The following FLT3 variants were observed in gnomAD, a reference collection of about 807,000 sequenced individuals.
FLT3 encodes the protein fms related receptor tyrosine kinase 3.
Under a neutral mutation model 126.6 loss-of-function variants are expected in FLT3, and 46 were observed. The ratio of observed to expected loss-of-function variants is 0.36; its 90% CI spans 0.29 to 0.46. The LOEUF (loss-of-function observed/expected upper bound fraction) is 0.46, where lower values mean the gene tolerates loss of function less well. Among genes scored for constraint, FLT3 ranks in the 20% least tolerant of loss-of-function variants. The pLI, the probability that FLT3 is intolerant of heterozygous loss-of-function variation, is 1.00. For synonymous variants in FLT3, 404 were observed against 434.4 expected, an observed-to-expected ratio of 0.93 and a Z score of 0.87; for missense variants, 1,069 against 1,190.3, an observed-to-expected ratio of 0.90 and a Z score of 1.50.
intron 9 of FLT3, among the ~76,000 whole-genome samples, chr13:28,037,611 A>G (rs1178143105): frequency 6.6e-6 from 1 of 152,156 alleles, no homozygotes. Flanking sequence ...GGATTGGCCG[A>G]AGATTCTCAG....
At chr13:28,037,764 C>G (rs185524510) in intron 9 of FLT3, among the ~76,000 whole-genome samples, 24 of 152,262 alleles carry the variant, frequency 1.6e-4, no homozygotes, top group Middle Eastern at 3.4e-3. Context: ...AGGAAAGGGG[C>G]CACACAGCAG....
rs74674063 is a variant in FLT3 at position 28,087,234 on chromosome 13, C to T, written c.43+13234G>A. ...ACAAGGACACACCATCATGCCTGGC[C>T]AATTCTTTTATTTTTCGTAGAGACA... is the stretch of plus-strand genomic sequence containing the variant. On this transcript the variant is annotated intron_variant, in intron 1 of 23. Transcript: ENST00000241453. Among the ~76,000 whole-genome samples, 941 of 151,530 alleles carry T rather than the reference C, an allele frequency of 6.2e-3. 11 individuals are homozygous for T. The highest frequency in any genetic ancestry group is 0.021 in the Middle Eastern group (6 of 290).
chr13:28,086,427 A>G (rs1000775813), intron 1 of FLT3, among the ~76,000 whole-genome samples: 3 of 152,156 alleles, frequency 2.0e-5, no homozygotes, highest in Admixed American at 2.0e-4. Flanking sequence ...CTGTACTTCT[A>G]CGTAAGCTAT....
intron 2 of FLT3, among the ~76,000 whole-genome samples, chr13:28,063,461 C>T (rs374782802): frequency 4.0e-4 from 61 of 152,256 alleles, no homozygotes; most frequent in African/African-American, 1.3e-3. Flanking sequence ...GCCTGGGGGA[C>T]GGAGTCAGAC....
In FLT3 at chr13:28,085,810, T is replaced by C. The variant is rs545221961; in HGVS notation, c.43+14658A>G. Among the ~76,000 whole-genome samples the C allele has an allele frequency of 1.2e-3, 182 of 152,256 alleles. 1 individual carries two copies. The highest frequency in any genetic ancestry group is 2.4e-3 in the Non-Finnish European group (163 of 68,020). On this transcript the variant is annotated intron_variant, in intron 1 of 23. Transcript: ENST00000241453. ...CATCCATTTACTTTTAACCTATTTG[T>C]GTCTTCATATGCAGGACTAGGGCTG...
At chr13:28,049,271 T>C (rs139442627) in intron 8 of FLT3, 113 bp downstream of exon 8, 1 of 976,408 alleles carries the variant, frequency 1.0e-6, no homozygotes, top group African/African-American at 1.6e-5. Context: ...AGTTTCTTTC[T>C]TAGTGTTTGA....
chr13:28,092,475 TC>T (rs762414489), intron 1 of FLT3, among the ~76,000 whole-genome samples: 82 of 151,982 alleles, frequency 5.4e-4, no homozygotes, highest in Non-Finnish European at 9.6e-4. Flanking sequence ...CAAGTGATCC[TC>T]CTGCCTCAGC....
chr13:28,090,619 A>G, intron 1 of FLT3, among the ~76,000 whole-genome samples: 1 of 152,024 alleles, frequency 6.6e-6, no homozygotes, highest in South Asian at 2.1e-4. Context: ...CTCTACCAAA[A>G]ATACAAAAAC....
chr13:28,011,364 G>A (rs1313063171), intron 23 of FLT3, among the ~76,000 whole-genome samples: 1 of 151,238 alleles, frequency 6.6e-6, no homozygotes, highest in Non-Finnish European at 1.5e-5. Flanking sequence ...GAGGGGAGGA[G>A]AGAAGATTCT....
intron 2 of FLT3, among the ~76,000 whole-genome samples, chr13:28,063,495 T>G (rs2137771912): frequency 6.6e-6 from 1 of 152,176 alleles, no homozygotes; most frequent in South Asian, 2.1e-4. Flanking sequence ...ATTAATTAAT[T>G]AATTAATTAA....
chr13:28,063,716 T>C (rs1408588200), intron 2 of FLT3, among the ~76,000 whole-genome samples: 2 of 142,272 alleles, frequency 1.4e-5, no homozygotes, highest in African/African-American at 5.1e-5. Flanking sequence ...TGCAAGACCA[T>C]CTGCTGAGTA....
At position 28,027,078 on chromosome 13, in the gene FLT3, A is replaced by G; in HGVS notation, c.2207+10T>C. ...ATGTGTAATTACGAAACCCTGACCC[A>G]GCCTCTTACCTGGAATTTGGATGTG... On this transcript the variant is annotated intron_variant, in intron 17 of 23. Transcript: ENST00000241453. 1.2e-6 allele frequency: 2 copies of G among 1,612,310 alleles called. No homozygotes were observed. Among genetic ancestry groups the G allele is most frequent in the South Asian group, 2.2e-5 (2 of 90,788 alleles).
intron 20 of FLT3, among the ~76,000 whole-genome samples, 191 bp from the exon 21 acceptor site, chr13:28,015,892 A>T (rs1871810491): frequency 6.6e-6 from 1 of 152,176 alleles, no homozygotes; most frequent in South Asian, 2.1e-4. Context: ...CCTAAAACAT[A>T]AGGCATATTT....
At chr13:28,088,380 C>A (rs536643021) in intron 1 of FLT3, among the ~76,000 whole-genome samples, 1 of 151,836 alleles carries the variant, frequency 6.6e-6, no homozygotes, top group Non-Finnish European at 1.5e-5. Flanking sequence ...CTCCACCTCC[C>A]AGGTTCAGGT....
chr13:28,069,893 C>T (rs1337644831), intron 2 of FLT3, among the ~76,000 whole-genome samples: 1 of 152,078 alleles, frequency 6.6e-6, no homozygotes, highest in Non-Finnish European at 1.5e-5. Context: ...GTGGTAGGAT[C>T]AGTTGAGCCC....
Position 28,027,103 on chromosome 13 carries a change from G to A in FLT3, c.2192C>T (p.Ser731Leu). Residue 731 changes from serine (S) to leucine (L), a missense_variant, in exon 17 of 24, where the codon TCA becomes TTA. By Grantham distance (145) the Ser-to-Leu change is moderately radical. Coordinates refer to ENST00000241453, the MANE Select transcript of FLT3 (RefSeq NM_004119.3). ...HNFSFYPTFQ[S>L]HPNSSMPGSR... Reference sequence around the variant, plus strand: ...AGCCTCTTACCTGGAATTTGGATGTGATTGGAAAGTGGGGTAAAAACTGAA... The same window carrying A: ...AGCCTCTTACCTGGAATTTGGATGTAATTGGAAAGTGGGGTAAAAACTGAA... 6.2e-7 allele frequency: 1 copy of A among 1,613,566 alleles called. No homozygotes were observed. The highest frequency in any genetic ancestry group is 8.5e-7 in the Non-Finnish European group (1 of 1,179,798).
intron 1 of FLT3, among the ~76,000 whole-genome samples, chr13:28,072,922 G>A (rs1043043562): frequency 1.3e-5 from 2 of 151,800 alleles, no homozygotes; most frequent in East Asian, 2.0e-4. Context: ...GGAGAATAGC[G>A]TAAACCCGGG....
At chr13:28,010,305 A>G (rs1428163069) in intron 23 of FLT3, among the ~76,000 whole-genome samples, 1 of 152,162 alleles carries the variant, frequency 6.6e-6, no homozygotes, top group Non-Finnish European at 1.5e-5. Context: ...AACAGTATTT[A>G]CCCTTGCTAA....
intron 1 of FLT3, among the ~76,000 whole-genome samples, chr13:28,077,371 A>C (rs1878026278): frequency 1.3e-5 from 2 of 152,162 alleles, no homozygotes; most frequent in Admixed American, 1.3e-4. Context: ...GGCGAAAGGC[A>C]CTTCTCACAT....
Sources: gnomAD v4.1 joint callset for allele counts (sites outside exome capture counted in the v4.1 genomes callset) on GRCh38, gnomAD v4.1.1 for gene constraint, MANE v1.5 for transcripts, NCBI Gene and HGNC (gene_info 2026-07-23, HGNC 2026-07-21) for gene names.